CRYBG1: variants seen among roughly 807,000 people sequenced by gnomAD.
The protein encoded by CRYBG1 is crystallin beta-gamma domain containing 1.
CRYBG1 carries 139 observed loss-of-function variants against 189.2 expected under a neutral mutation model. That is an observed-to-expected ratio of 0.73 (90% CI 0.64 to 0.85). CRYBG1 has a LOEUF of 0.85. Ranked by LOEUF, CRYBG1 falls within the 40% of genes least tolerant of loss-of-function variation. The pLI is 0.00. For missense variants in CRYBG1, 2,611 were observed against 2,675.8 expected (o/e 0.98, Z 0.53); for synonymous variants, 1,023 against 1,017.1 (o/e 1.01, Z -0.11).
chr6:106,475,798 A>G (rs749899179), intron 2 of CRYBG1, among the ~76,000 whole-genome samples: 3 of 152,238 alleles, frequency 2.0e-5, no homozygotes, highest in African/African-American at 7.2e-5. Context: ...AGAGGGAAAC[A>G]AGAGGCAGGC....
At chr6:106,460,143 C>A (rs12195920) in intron 2 of CRYBG1, among the ~76,000 whole-genome samples, 3 of 110,400 alleles carry the variant, frequency 2.7e-5, no homozygotes, top group South Asian at 2.8e-4. Flanking sequence ...CCCGCCACCA[C>A]GCCCGGCTAA....
rs563898663 is a variant in CRYBG1 at position 106,392,863 on chromosome 6, C to T, written c.173+31782C>T. On this transcript the variant is annotated intron_variant, in intron 1 of 21. Coordinates refer to ENST00000633556, the MANE Select transcript of CRYBG1 (RefSeq NM_001371242.2). The stretch of plus-strand genomic sequence containing the variant: ...GATCTCAGCTCACTGCAACCTCCGC[C>T]TTCTGGGTTCAAGTGATTCTCCTGT... Among the ~76,000 whole-genome samples, 4 of 152,266 alleles carry T rather than the reference C, an allele frequency of 2.6e-5. No individual in the cohort carries two copies. In the South Asian group the frequency reaches 8.3e-4, roughly 32 times the overall value.
intron 1 of CRYBG1, among the ~76,000 whole-genome samples, chr6:106,406,769 T>A (rs1770835506): frequency 6.6e-6 from 1 of 152,184 alleles, no homozygotes; most frequent in Non-Finnish European, 1.5e-5. Flanking sequence ...AACCCAGAAT[T>A]TCATATCCAG....
intron 1 of CRYBG1, among the ~76,000 whole-genome samples, chr6:106,396,049 C>A (rs565793234): frequency 1.3e-3 from 203 of 152,250 alleles, no homozygotes; most frequent in Middle Eastern, 6.8e-3. Flanking sequence ...TGTCTCTGAT[C>A]CCTTCATAGG....
At chr6:106,532,637 T>G (rs1773903896) in intron 8 of CRYBG1, among the ~76,000 whole-genome samples, 1 of 152,210 alleles carries the variant, frequency 6.6e-6, no homozygotes, top group Non-Finnish European at 1.5e-5. Context: ...GTGGTTTTGA[T>G]TTGCATTTCC....
At chr6:106,492,637 C>T (rs966379380) in intron 2 of CRYBG1, among the ~76,000 whole-genome samples, 12 of 152,172 alleles carry the variant, frequency 7.9e-5, no homozygotes, top group African/African-American at 2.7e-4. Context: ...CAACAAAGCA[C>T]TGCTTCTTCT....
chr6:106,534,085 T>G (rs1346795680), intron 8 of CRYBG1, among the ~76,000 whole-genome samples: 1 of 152,174 alleles, frequency 6.6e-6, no homozygotes, highest in Non-Finnish European at 1.5e-5. Flanking sequence ...TTTAAAGAAT[T>G]GGTGTCAGGT....
chr6:106,390,169 A>G (rs1226585162), intron 1 of CRYBG1, among the ~76,000 whole-genome samples: 1 of 152,152 alleles, frequency 6.6e-6, no homozygotes, highest in South Asian at 2.1e-4. Context: ...AAGATGAATC[A>G]TTTATAAAAT....
chr6:106,512,801 G>T lies in CRYBG1; in HGVS notation c.1684G>T (p.Glu562Ter). 1 of 1,576,344 alleles carries T rather than the reference G, an allele frequency of 6.3e-7. No homozygotes were observed. The highest frequency in any genetic ancestry group is 2.3e-5 in the East Asian group (1 of 42,998). ...TKGTAAESGE[E>*]AARAIPRELP... is the part of the protein sequence containing the mutation. Reference sequence around the variant, plus strand: ...GGGCACTGCGGCCGAGAGCGGGGAGGAGGCGGCGCGGGCCATCCCCCGCGA... The same window carrying T: ...GGGCACTGCGGCCGAGAGCGGGGAGTAGGCGGCGCGGGCCATCCCCCGCGA... The change falls in exon 3 of 22, where the codon GAG becomes TAG. Residue 562 changes from glutamate (E) to a stop codon, truncating the protein, a stop_gained. Coordinates refer to ENST00000633556, the MANE Select transcript of CRYBG1 (RefSeq NM_001371242.2). LOFTEE classifies it high-confidence loss of function.
chr6:106,525,283 G>A lies in CRYBG1; in HGVS notation c.4309G>A (p.Glu1437Lys), dbSNP rs1773713878. ...TTTCTTGCAGGTAGTGATATATAGT[G>A]AACCCGACGTCTCTGAGAAGTGCAT... ...PRPGKVVIYS[E>K]PDVSEKCIEV... The change falls in exon 6 of 22, where the codon GAA becomes AAA. Residue 1437 changes from glutamate to lysine, a missense_variant. This residue lies in a region of CRYBG1 where 1,622 missense variants were observed against 1,735.0 expected (regional missense o/e 0.93). Transcript: ENST00000633556. 19 of 1,613,988 alleles carry A rather than the reference G, an allele frequency of 1.2e-5. No individual in the cohort carries two copies. Among genetic ancestry groups the A allele is most frequent in the Non-Finnish European group, 1.5e-5 (18 of 1,180,014 alleles).
Position 106,544,924 on chromosome 6 carries a change from T to G in CRYBG1, c.5303T>G (p.Leu1768Arg), listed in dbSNP as rs528688683. 1.9e-6 allele frequency: 3 copies of G among 1,595,690 alleles called. No homozygotes were observed. Among genetic ancestry groups the G allele is most frequent in the African/African-American group, 2.7e-5 (2 of 73,744 alleles). Residue 1768 changes from leucine (L) to arginine (R), a missense_variant, in exon 13 of 22, where the codon CTG (leucine) becomes CGG (arginine). This residue lies in a region of CRYBG1 where 1,622 missense variants were observed against 1,735.0 expected (regional missense o/e 0.93). Transcript: ENST00000633556. ...YGVKTQSINVLSGVWVAYENP... is the reference protein window; with the variant it reads ...YGVKTQSINVRSGVWVAYENP... ...GTGAAGACACAGTCTATTAATGTAC[T>G]GAGTGGAGTGTAAGTGAAATAATCC...
intron 4 of CRYBG1, among the ~76,000 whole-genome samples, chr6:106,521,678 A>C (rs1481437525): frequency 6.7e-6 from 1 of 148,824 alleles, no homozygotes; most frequent in Non-Finnish European, 1.5e-5. Context: ...TCTTGCAGGG[A>C]GATAAAGCTA....
chr6:106,571,985 T>G lies in CRYBG1; in HGVS notation c.*3419T>G. 2 of 1,599,616 alleles carry G rather than the reference T, an allele frequency of 1.3e-6. 1 individual carries two copies. Among genetic ancestry groups the G allele is most frequent in the Middle Eastern group, 3.3e-4 (2 of 6,030 alleles). ...ATAAGAACGTCAACAATCACTAAAC[T>G]GCATTTTTATTTAAACAACATTAAT... On this transcript the variant is annotated 3_prime_UTR_variant, in exon 22 of 22. Coordinates refer to ENST00000633556, the MANE Select transcript of CRYBG1 (RefSeq NM_001371242.2).
intron 8 of CRYBG1, among the ~76,000 whole-genome samples, chr6:106,534,491 G>A (rs1442711520): frequency 1.3e-5 from 2 of 152,196 alleles, no homozygotes; most frequent in Non-Finnish European, 2.9e-5. Flanking sequence ...AGTAAGTACT[G>A]AAGCTCATTT....
chr6:106,560,694 T>G, intron 18 of CRYBG1, 109 bp from the exon 19 acceptor site: 1 of 1,280,324 alleles, frequency 7.8e-7, no homozygotes, highest in Non-Finnish European at 1.0e-6. Context: ...CAATGTATGT[T>G]AAAAGTATAT....
chr6:106,407,530 A>T (rs568948440), intron 1 of CRYBG1, among the ~76,000 whole-genome samples: 1 of 151,940 alleles, frequency 6.6e-6, no homozygotes, highest in African/African-American at 2.4e-5. Flanking sequence ...TCTGGACCTA[A>T]TAGACATCTA....
chr6:106,439,798 A>G (rs181667641), intron 1 of CRYBG1, among the ~76,000 whole-genome samples: 1 of 152,266 alleles, frequency 6.6e-6, no homozygotes. Flanking sequence ...AGAAGGTGAT[A>G]TGGTTCTTAG....
At chr6:106,368,585 A>G (rs1582724042) in intron 1 of CRYBG1, among the ~76,000 whole-genome samples, 1 of 152,208 alleles carries the variant, frequency 6.6e-6, no homozygotes, top group Admixed American at 6.5e-5. Context: ...ACATAGCTGC[A>G]TTGGGCTAAC....
At chr6:106,492,724 T>G (rs1186586817) in intron 2 of CRYBG1, among the ~76,000 whole-genome samples, 4 of 152,192 alleles carry the variant, frequency 2.6e-5, no homozygotes, top group Non-Finnish European at 4.4e-5. Flanking sequence ...TATAACAATA[T>G]CCCCTTGTAT....
Sources: allele counts gnomAD v4.1 joint callset (sites outside exome capture counted in the v4.1 genomes callset), GRCh38; gene constraint gnomAD v4.1.1; regional missense constraint gnomAD v4.1.1; transcripts MANE v1.5; gene names NCBI Gene and HGNC (gene_info 2026-07-23, HGNC 2026-07-21).